ALMS1: variants seen among roughly 807,000 people sequenced by gnomAD.
ALMS1 encodes centrosome-associated protein ALMS1.
A neutral mutation model predicts 352.2 loss-of-function variants in ALMS1; 271 were observed. The ratio of observed to expected loss-of-function variants is 0.77; its 90% CI spans 0.70 to 0.85. The LOEUF is 0.85. Ranked by LOEUF, ALMS1 falls within the 40% of genes least tolerant of loss-of-function variation. The pLI, the probability that ALMS1 is intolerant of heterozygous loss-of-function variation, is 0.00. For missense variants in ALMS1, 5,445 were observed against 4,870.7 expected (o/e 1.12, Z -3.51); for synonymous variants, 1,865 against 1,761.2 (o/e 1.06, Z -1.48).
chr2:73,453,318 C>A lies in ALMS1; in HGVS notation c.6791C>A (p.Thr2264Lys). The change falls in exon 8 of 23, where the codon ACA (threonine) becomes AAA (lysine). Residue 2264 changes from threonine (T) to lysine (K), a missense_variant. Physicochemically the swap from Thr to Lys is moderately conservative, Grantham distance 78. Coordinates refer to ENST00000613296, the MANE Select transcript of ALMS1 (RefSeq NM_001378454.1). Reference protein sequence around the residue: ...NSAKTLKEIRTLLMEAENMAL... With the variant: ...NSAKTLKEIRKLLMEAENMAL... ...GCTAAAACTCTTAAGGAAATTCGGACACTTTTGATGGAGGCAGAAAATATG... is the reference window on the plus strand; with the variant it reads ...GCTAAAACTCTTAAGGAAATTCGGAAACTTTTGATGGAGGCAGAAAATATG... 6.2e-7 allele frequency: 1 copy of A among 1,613,884 alleles called. No individual in the cohort carries two copies. The highest frequency in any genetic ancestry group is 2.2e-5 in the East Asian group (1 of 44,864).
In ALMS1 at chr2:73,386,256, C is replaced by A. The variant is rs576081925; in HGVS notation, c.324+64C>A. On this transcript the variant is annotated intron_variant, in intron 1 of 22. Coordinates refer to ENST00000613296, the MANE Select transcript of ALMS1 (RefSeq NM_001378454.1). ...TTGGGGGTGGAGGCTGGGCCCCGAG[C>A]GCTCCGCCCGCCCGCAGGTCACGCC... The A allele has an allele frequency of 1.1e-5, 15 of 1,417,580 alleles. No individual in the cohort carries two copies. In the African/African-American group the frequency reaches 1.5e-4, roughly 14 times the overall value. The allele number at this position is 1,417,580 out of a possible 1,614,324, so 87.8% of individuals were successfully genotyped here. A position where few individuals can be genotyped will look rare whatever the true frequency, so the allele number is the denominator to read the frequency against.
chr2:73,487,876 T>C (rs1308447947), intron 9 of ALMS1, among the ~76,000 whole-genome samples: 1 of 151,984 alleles, frequency 6.6e-6, no homozygotes, highest in African/African-American at 2.4e-5. Flanking sequence ...GGTCATCCCA[T>C]AATCTGCATC....
intron 16 of ALMS1, among the ~76,000 whole-genome samples, chr2:73,595,636 C>T (rs1209892916): frequency 1.3e-5 from 2 of 152,118 alleles, no homozygotes; most frequent in Non-Finnish European, 2.9e-5. Flanking sequence ...TTCATTTCTT[C>T]TGGGTTTTTA....
At chr2:73,464,697 C>T (rs1227840835) in intron 9 of ALMS1, among the ~76,000 whole-genome samples, 3 of 152,040 alleles carry the variant, frequency 2.0e-5, no homozygotes, top group Non-Finnish European at 4.4e-5. Context: ...CTAGAAAACC[C>T]CGTTGTCTCA....
chr2:73,482,979 A>G (rs533655451), intron 9 of ALMS1, among the ~76,000 whole-genome samples: 1 of 152,094 alleles, frequency 6.6e-6, no homozygotes, highest in South Asian at 2.1e-4. Context: ...TTTTTTCTTT[A>G]TTAGTCTTGC....
At chr2:73,488,570 G>A (rs1672905902) in intron 9 of ALMS1, among the ~76,000 whole-genome samples, 1 of 152,150 alleles carries the variant, frequency 6.6e-6, no homozygotes, top group African/African-American at 2.4e-5. Flanking sequence ...GAAGGGAGTG[G>A]GGCTTCTGCC....
At chr2:73,584,235 G>T (rs539815443) in intron 16 of ALMS1, among the ~76,000 whole-genome samples, 2 of 152,208 alleles carry the variant, frequency 1.3e-5, no homozygotes, top group Admixed American at 6.5e-5. Flanking sequence ...GTTATATTTT[G>T]TGAATTTTGT....
intron 12 of ALMS1, among the ~76,000 whole-genome samples, chr2:73,548,320 T>G (rs895054494): frequency 6.6e-6 from 1 of 152,212 alleles, no homozygotes; most frequent in Non-Finnish European, 1.5e-5. Flanking sequence ...GCCCCAAACA[T>G]AAATCTATAC....
At chr2:73,485,663 C>T (rs989027233) in intron 9 of ALMS1, among the ~76,000 whole-genome samples, 1 of 152,200 alleles carries the variant, frequency 6.6e-6, no homozygotes, top group Non-Finnish European at 1.5e-5. Context: ...GCGGGCGCCC[C>T]TCCCCCAGCC....
intron 7 of ALMS1, among the ~76,000 whole-genome samples, chr2:73,441,541 C>G (rs760187354): frequency 6.6e-6 from 1 of 152,104 alleles, no homozygotes; most frequent in Non-Finnish European, 1.5e-5. Context: ...GTTTCTTGGT[C>G]CATGGCCCAC....
chr2:73,440,584 C>T (rs1254813919), intron 7 of ALMS1, among the ~76,000 whole-genome samples: 1 of 150,928 alleles, frequency 6.6e-6, no homozygotes, highest in Admixed American at 6.6e-5. Flanking sequence ...CTACCACGCC[C>T]AGCTAATTTT....
intron 21 of ALMS1, among the ~76,000 whole-genome samples, chr2:73,606,548 C>T (rs1283944761): frequency 1.3e-5 from 2 of 152,214 alleles, no homozygotes; most frequent in Admixed American, 1.3e-4. Flanking sequence ...GGATTTAGTG[C>T]CCATCTTCTG....
intron 9 of ALMS1, among the ~76,000 whole-genome samples, chr2:73,460,937 C>G (rs1279621452): frequency 6.6e-6 from 1 of 152,216 alleles, no homozygotes; most frequent in South Asian, 2.1e-4. Context: ...ACAAAGCAGC[C>G]TGGAAGCTCG....
At chr2:73,443,799 A>C (rs985969217) in intron 7 of ALMS1, among the ~76,000 whole-genome samples, 2 of 152,124 alleles carry the variant, frequency 1.3e-5, no homozygotes, top group African/African-American at 4.8e-5. Flanking sequence ...TTTGGCAGGG[A>C]TCAGTTCTCA....
At chr2:73,599,298 G>T in intron 16 of ALMS1, 103 bp from the exon 17 acceptor site, 1 of 1,468,736 alleles carries the variant, frequency 6.8e-7, no homozygotes, top group South Asian at 1.1e-5. Flanking sequence ...CATCTCAACA[G>T]TTTGAATTGG....
intron 2 of ALMS1, among the ~76,000 whole-genome samples, chr2:73,411,897 G>C (rs1055680492): frequency 1.3e-5 from 2 of 152,168 alleles, no homozygotes; most frequent in African/African-American, 4.8e-5. Context: ...CATGATCACA[G>C]TCTATCTAGA....
At chr2:73,602,079 A>T in intron 19 of ALMS1, 106 bp from the exon 20 acceptor site, 1 of 1,175,182 alleles carries the variant, frequency 8.5e-7, no homozygotes, top group Non-Finnish European at 1.2e-6. Flanking sequence ...CATTTGAATC[A>T]GACTTCCCCA....
At chr2:73,457,486 G>A (rs1031400389) in intron 9 of ALMS1, among the ~76,000 whole-genome samples, 6 of 151,780 alleles carry the variant, frequency 4.0e-5, no homozygotes, top group Admixed American at 1.3e-4. Flanking sequence ...CAAGTGATCC[G>A]CCTGCCTCGG....
intron 7 of ALMS1, among the ~76,000 whole-genome samples, chr2:73,440,757 G>C (rs1671703757): frequency 6.6e-6 from 1 of 152,010 alleles, no homozygotes; most frequent in African/African-American, 2.4e-5. Flanking sequence ...TGATTTTCCT[G>C]GTTCTTAGTG....
Sources: allele counts gnomAD v4.1 joint callset (sites outside exome capture counted in the v4.1 genomes callset), GRCh38; gene constraint gnomAD v4.1.1; transcripts MANE v1.5; gene names NCBI Gene and HGNC (gene_info 2026-07-23, HGNC 2026-07-21).